Variants in DYSF observed in about 807,000 individuals in gnomAD.
DYSF encodes the protein dysferlin.
A neutral mutation model predicts 274.9 loss-of-function variants in DYSF; 212 were observed. The observed-to-expected ratio is 0.77, with a 90% CI of 0.69 to 0.86. The LOEUF is 0.86. DYSF is among the 40% of genes least tolerant of loss of function. The probability of loss-of-function intolerance (pLI) is 0.00; values close to 1 mark genes in which losing one functional copy is unlikely to be tolerated. For missense variants in DYSF, 2,666 were observed against 2,783.2 expected (o/e 0.96, Z 0.95); for synonymous variants, 1,091 against 1,078.7 (o/e 1.01, Z -0.22).
At chr2:71,527,863 A>C (rs58797234) in intron 13 of DYSF, among the ~76,000 whole-genome samples, 142 of 152,342 alleles carry the variant, frequency 9.3e-4, no homozygotes, top group African/African-American at 3.2e-3. Flanking sequence ...TTAAAAAAAA[A>C]ACAACAGAAT....
At chr2:71,555,512 G>GA (rs2091276237) in intron 21 of DYSF, among the ~76,000 whole-genome samples, 1 of 152,196 alleles carries the variant, frequency 6.6e-6, no homozygotes, top group Non-Finnish European at 1.5e-5. Flanking sequence ...TCTGTGATTA[G>GA]AGGTGGCAGG....
intron 42 of DYSF, 103 bp from the exon 43 acceptor site, chr2:71,656,059 T>A (rs1011507888): frequency 8.9e-5 from 126 of 1,415,922 alleles, no homozygotes; most frequent in Admixed American, 1.7e-4. Flanking sequence ...TTATTCACTC[T>A]CACACTGTCA....
intron 42 of DYSF, among the ~76,000 whole-genome samples, chr2:71,647,770 A>G (rs900196275): frequency 2.6e-5 from 4 of 152,212 alleles, no homozygotes; most frequent in Non-Finnish European, 5.9e-5. Flanking sequence ...TAATGGTTAC[A>G]TGGGGGTTTA....
At chr2:71,673,537 T>C in intron 51 of DYSF, among the ~76,000 whole-genome samples, 1 of 152,118 alleles carries the variant, frequency 6.6e-6, no homozygotes, top group East Asian at 1.9e-4. Flanking sequence ...TAGATTCCAG[T>C]GCCAGCTCCT....
In DYSF at chr2:71,466,953, C is replaced by T; in HGVS notation, c.91+20C>T. 1 of 1,547,828 alleles carries T rather than the reference C, an allele frequency of 6.5e-7. No individual in the cohort carries two copies. Among genetic ancestry groups the T allele is most frequent in the Non-Finnish European group, 8.7e-7 (1 of 1,144,756 alleles). On this transcript the variant is annotated intron_variant, in intron 1 of 55. Coordinates refer to ENST00000410020, the MANE Select transcript of DYSF (RefSeq NM_001130987.2). ...TCCGAGGTGAGAGCCCCGTGGCTGCCGCGCCCATGCTCGGGTGCTACCCGA... is the reference window on the plus strand; with the variant it reads ...TCCGAGGTGAGAGCCCCGTGGCTGCTGCGCCCATGCTCGGGTGCTACCCGA...
Position 71,480,511 on chromosome 2 carries a change from A to G in DYSF, c.92-372A>G, listed in dbSNP as rs75090620. 7.5e-3 allele frequency among the ~76,000 whole-genome samples: 1,137 copies of G among 152,212 alleles called. 16 individuals carry two copies. The highest frequency in any genetic ancestry group is 0.024 in the African/African-American group (1,015 of 41,532). On this transcript the variant is annotated intron_variant, in intron 1 of 55. Coordinates refer to ENST00000410020, the MANE Select transcript of DYSF (RefSeq NM_001130987.2). ...TGAGGCTGCAGTGAGCTATGATCTC[A>G]CCATCGCACTCCAGCCTGGGCAACA...
intron 1 of DYSF, among the ~76,000 whole-genome samples, chr2:71,476,063 A>T (rs1016102750): frequency 1.7e-4 from 26 of 152,184 alleles, no homozygotes; most frequent in Admixed American, 1.5e-3. Flanking sequence ...TGAGGACCTC[A>T]CTGGCCCCTA....
chr2:71,682,336 G>A (rs2095306622), intron 54 of DYSF, among the ~76,000 whole-genome samples, 194 bp from the exon 55 acceptor site: 1 of 152,088 alleles, frequency 6.6e-6, no homozygotes, highest in African/African-American at 2.4e-5. Context: ...AGCACAGGTG[G>A]GGGTGATACT....
At chr2:71,490,956 T>C (rs1240062976) in intron 3 of DYSF, among the ~76,000 whole-genome samples, 2 of 152,226 alleles carry the variant, frequency 1.3e-5, no homozygotes, top group African/African-American at 4.8e-5. Context: ...TTTTTTTCTT[T>C]AGGATAGGTC....
intron 12 of DYSF, among the ~76,000 whole-genome samples, chr2:71,525,668 C>G (rs1485588305): frequency 2.0e-5 from 3 of 151,918 alleles, no homozygotes; most frequent in Admixed American, 1.3e-4. Context: ...AGACACAGTA[C>G]ATGTTATTGG....
intron 52 of DYSF, among the ~76,000 whole-genome samples, chr2:71,678,212 G>T (rs940756382): frequency 1.3e-5 from 2 of 152,246 alleles, no homozygotes; most frequent in African/African-American, 2.4e-5. Context: ...GTACGTATGT[G>T]TGGAGTTTTC....
At chr2:71,610,600 A>G (rs2093735088) in intron 36 of DYSF, among the ~76,000 whole-genome samples, 1 of 152,162 alleles carries the variant, frequency 6.6e-6, no homozygotes. Context: ...TCGTCTCTGT[A>G]GTGGAGAGAG....
chr2:71,486,592 GA>G (rs1319663143), intron 3 of DYSF, among the ~76,000 whole-genome samples: 7 of 152,128 alleles, frequency 4.6e-5, no homozygotes, highest in Non-Finnish European at 7.3e-5. Context: ...CCCAGAGTGG[GA>G]TCTGGGGAAT....
At chr2:71,552,875 C>A in intron 19 of DYSF, 136 bp from the exon 20 acceptor site, 1 of 846,796 alleles carries the variant, frequency 1.2e-6, no homozygotes, top group Non-Finnish European at 2.0e-6. Flanking sequence ...TCTTGGGCTA[C>A]TTGCCACCCG....
At chr2:71,618,250 T>TGG (rs1234767615) in intron 40 of DYSF, among the ~76,000 whole-genome samples, 4 of 30,910 alleles carry the variant, frequency 1.3e-4, no homozygotes, top group Non-Finnish European at 2.4e-4. Flanking sequence ...GTGGTAGAGG[T>TGG]GGCGTGTGTG....
rs201890095 is a variant in DYSF, at chr2:71,681,037, A to C, written c.6100A>C (p.Ser2034Arg). ...AATGACCTTGGAGATTGTAGCAGAGAGTGAGCATGAGGAGCGGCCTGCTGG... is the reference window on the plus strand; with the variant it reads ...AATGACCTTGGAGATTGTAGCAGAGCGTGAGCATGAGGAGCGGCCTGCTGG... ...LEMTLEIVAE[S>R]EHEERPAGQG... The change falls in exon 54 of 56, where the codon AGT (serine) becomes CGT (arginine). Residue 2034 changes from serine to arginine, a missense_variant. Transcript: ENST00000410020. 4.5e-5 allele frequency: 72 copies of C among 1,614,172 alleles called. No homozygotes were observed. In the East Asian group the frequency reaches 1.5e-3, roughly 34 times the overall value.
chr2:71,571,750 T>C (rs1407722938), intron 29 of DYSF, among the ~76,000 whole-genome samples: 24 of 40,712 alleles, frequency 5.9e-4, no homozygotes, highest in South Asian at 1.7e-3. Flanking sequence ...CAGATCACAG[T>C]CAGCACACAC....
intron 1 of DYSF, among the ~76,000 whole-genome samples, chr2:71,473,918 A>ATTTTTTTTTT (rs10659171): frequency 1.2e-5 from 1 of 83,806 alleles, no homozygotes; most frequent in African/African-American, 5.7e-5. Context: ...TTTCTGTATG[A>ATTTTTTTTTT]TTTTTTTTTT....
At chr2:71,487,524 G>C (rs2083458077) in intron 3 of DYSF, among the ~76,000 whole-genome samples, 1 of 152,118 alleles carries the variant, frequency 6.6e-6, no homozygotes, top group Admixed American at 6.6e-5. Context: ...TGTTGTTGTT[G>C]TTTAGGCAGA....
Sources: allele counts gnomAD v4.1 joint callset (sites outside exome capture counted in the v4.1 genomes callset), GRCh38; gene constraint gnomAD v4.1.1; transcripts MANE v1.5; gene names NCBI Gene and HGNC (gene_info 2026-07-23, HGNC 2026-07-21).